SATB2: variants seen among roughly 807,000 people sequenced by gnomAD.
SATB2 encodes SATB homeobox 2.
A neutral mutation model predicts 73.4 loss-of-function variants in SATB2; 1 was observed. That is an observed-to-expected ratio of 0.01 (90% CI 0.00 to 0.06). The LOEUF (loss-of-function observed/expected upper bound fraction) is 0.06, where lower values mean the gene tolerates loss of function less well. Ranked by LOEUF, SATB2 falls within the 10% of genes least tolerant of loss-of-function variation. The pLI is 1.00. For missense variants in SATB2, 459 were observed against 945.8 expected (o/e 0.49, Z 6.75); for synonymous variants, 397 against 367.0 (o/e 1.08, Z -0.93).
intron 3 of SATB2, among the ~76,000 whole-genome samples, chr2:199,409,792 G>C (rs1272593845): frequency 6.6e-6 from 1 of 152,048 alleles, no homozygotes; most frequent in African/African-American, 2.4e-5. Flanking sequence ...TGTTTTTAAA[G>C]ATTGGTCACA....
chr2:199,295,096 G>A lies in SATB2; in HGVS notation c.1740+13664C>T, dbSNP rs1278975415. On this transcript the variant is annotated intron_variant, in intron 10 of 10. Transcript: ENST00000417098. ...CCAGATACTCAAGTGAGCTTTGTAC[G>A]CTGCATAAGAAAGAAATACAAAGAT... Among the ~76,000 whole-genome samples, 4 of 152,234 alleles carry A rather than the reference G, an allele frequency of 2.6e-5. No individual in the cohort carries two copies. In the East Asian group the frequency reaches 7.7e-4, roughly 29 times the overall value.
At chr2:199,283,964 T>C (rs1692610383) in intron 10 of SATB2, among the ~76,000 whole-genome samples, 1 of 152,218 alleles carries the variant, frequency 6.6e-6, no homozygotes, top group African/African-American at 2.4e-5. Flanking sequence ...GAGTATCAAT[T>C]TGACTTGAAA....
chr2:199,408,620 C>T (rs1489178262), intron 3 of SATB2, among the ~76,000 whole-genome samples: 1 of 147,444 alleles, frequency 6.8e-6, no homozygotes, highest in Non-Finnish European at 1.5e-5. Context: ...CTTAATACAA[C>T]ATGAAAGGAG....
At position 199,270,957 on chromosome 2, in the gene SATB2, G is replaced by A. The variant is rs977876693; in HGVS notation, c.*1254C>T. ...ATTAGGTAGATGGAATGTGTACGAA[G>A]AAGAGGAAGCCCAAAGTGAAGCAGA... On this transcript the variant is annotated 3_prime_UTR_variant, in exon 11 of 11. Coordinates refer to ENST00000417098, the MANE Select transcript of SATB2 (RefSeq NM_001172509.2). 1 of 152,380 alleles carries A rather than the reference G, an allele frequency of 6.6e-6. No homozygotes were observed. Among genetic ancestry groups the A allele is most frequent in the Non-Finnish European group, 1.5e-5 (1 of 68,058 alleles). The allele number at this position is 152,380 out of a possible 1,614,324, so 9.4% of individuals were successfully genotyped here.
At chr2:199,443,773 A>G (rs946902472) in intron 2 of SATB2, among the ~76,000 whole-genome samples, 32 of 152,288 alleles carry the variant, frequency 2.1e-4, no homozygotes, top group African/African-American at 7.5e-4. Flanking sequence ...ATCCATCAAG[A>G]CTCAATAACA....
At chr2:199,380,213 C>A in intron 5 of SATB2, 151 bp downstream of exon 5, 1 of 1,042,630 alleles carries the variant, frequency 9.6e-7, no homozygotes, top group East Asian at 2.4e-5. Context: ...ATTCTACAAC[C>A]AGAAGCAACA....
At chr2:199,434,899 A>G (rs1186643603) in intron 2 of SATB2, among the ~76,000 whole-genome samples, 1 of 152,196 alleles carries the variant, frequency 6.6e-6, no homozygotes, top group African/African-American at 2.4e-5. Flanking sequence ...ACAATGGTGC[A>G]ACTGGTTCCC....
chr2:199,379,024 T>C (rs1479699319), intron 5 of SATB2, among the ~76,000 whole-genome samples: 3 of 152,190 alleles, frequency 2.0e-5, no homozygotes. Context: ...TATTTTCCCT[T>C]CAACTTAACA....
At chr2:199,298,725 T>A (rs1687190991) in intron 10 of SATB2, among the ~76,000 whole-genome samples, 1 of 152,146 alleles carries the variant, frequency 6.6e-6, no homozygotes, top group Non-Finnish European at 1.5e-5. Flanking sequence ...TGGGCCCAAA[T>A]CAAAGTATGT....
intron 2 of SATB2, among the ~76,000 whole-genome samples, chr2:199,437,969 A>G (rs539233633): frequency 3.9e-5 from 6 of 152,350 alleles, no homozygotes; most frequent in African/African-American, 1.4e-4. Context: ...GAAAGTGCTT[A>G]AAAGCACAGT....
At chr2:199,382,400 A>G (rs542207711) in intron 3 of SATB2, among the ~76,000 whole-genome samples, 12 of 152,200 alleles carry the variant, frequency 7.9e-5, no homozygotes, top group Non-Finnish European at 1.6e-4. Flanking sequence ...TTGACCACAG[A>G]TCAGAAATAG....
chr2:199,443,479 G>A (rs1375914332), intron 2 of SATB2, among the ~76,000 whole-genome samples: 1 of 148,128 alleles, frequency 6.8e-6, no homozygotes, highest in Non-Finnish European at 1.5e-5. Flanking sequence ...GAGCCTCAAA[G>A]GAAATCATAC....
chr2:199,433,103 A>T (rs1691551142), intron 3 of SATB2, among the ~76,000 whole-genome samples: 1 of 152,240 alleles, frequency 6.6e-6, no homozygotes, highest in African/African-American at 2.4e-5. Context: ...AATGCAAAAA[A>T]ATCTATGATC....
At chr2:199,313,190 G>A (rs1267787953) in intron 9 of SATB2, among the ~76,000 whole-genome samples, 1 of 152,098 alleles carries the variant, frequency 6.6e-6, no homozygotes, top group East Asian at 1.9e-4. Context: ...ATAGGGGAGG[G>A]ATATATAATA....
chr2:199,461,853 C>A (rs1057392624), upstream of SATB2, among the ~76,000 whole-genome samples: 4 of 152,196 alleles, frequency 2.6e-5, no homozygotes, highest in Non-Finnish European at 5.9e-5. Flanking sequence ...TCTTTTATGG[C>A]CTGCACTCTA....
rs541789307 is a variant in SATB2 at position 199,411,329 on chromosome 2, T to C, written c.346+22009A>G. 2.3e-4 allele frequency among the ~76,000 whole-genome samples: 35 copies of C among 152,306 alleles called. No individual in the cohort carries two copies. In the East Asian group the frequency reaches 6.4e-3, roughly 28 times the overall value. The stretch of plus-strand genomic sequence containing the variant: ...GAAACTCGCCAAGTACATCTATGCA[T>C]GACGATCCCCCTTAACTTTCCTTGC... On this transcript the variant is annotated intron_variant, in intron 3 of 10. Coordinates refer to ENST00000417098, the MANE Select transcript of SATB2 (RefSeq NM_001172509.2).
chr2:199,287,591 G>A (rs1446494404), intron 10 of SATB2, among the ~76,000 whole-genome samples: 1 of 151,774 alleles, frequency 6.6e-6, no homozygotes, highest in African/African-American at 2.4e-5. Flanking sequence ...TGTGGTGGGG[G>A]GGGAGATTAT....
At chr2:199,371,486 C>T (rs754121282) in intron 5 of SATB2, among the ~76,000 whole-genome samples, 53 of 151,934 alleles carry the variant, frequency 3.5e-4, no homozygotes, top group Non-Finnish European at 7.1e-4. Flanking sequence ...ACTTTTTATA[C>T]TTCAACATCA....
intron 6 of SATB2, among the ~76,000 whole-genome samples, chr2:199,358,669 C>T (rs541659768): frequency 6.6e-6 from 1 of 152,092 alleles, no homozygotes; most frequent in East Asian, 1.9e-4. Context: ...TGTGATAATA[C>T]CATATGACTG....
Sources: gnomAD v4.1 joint callset for allele counts (sites outside exome capture counted in the v4.1 genomes callset) on GRCh38, gnomAD v4.1.1 for gene constraint, MANE v1.5 for transcripts, NCBI Gene and HGNC (gene_info 2026-07-23, HGNC 2026-07-21) for gene names.